The following PSMD14 variants were observed in gnomAD, a reference collection of about 807,000 sequenced individuals.
PSMD14 encodes the protein proteasome 26S subunit, non-ATPase 14.
In PSMD14, 7 loss-of-function variants were observed where a neutral mutation model predicts 41.2. The ratio of observed to expected loss-of-function variants is 0.17; its 90% CI spans 0.10 to 0.32. The LOEUF (loss-of-function observed/expected upper bound fraction) is 0.32. Among genes scored for constraint, PSMD14 ranks in the 10% least tolerant of loss-of-function variants. The probability of loss-of-function intolerance (pLI) is 1.00; values close to 1 mark genes in which losing one functional copy is unlikely to be tolerated. For synonymous variants in PSMD14, 114 were observed against 122.3 expected (o/e 0.93, Z 0.45); for missense variants, 139 against 375.6 (o/e 0.37, Z 5.21).
chr2:161,377,178 C>T (rs922119086), intron 7 of PSMD14, among the ~76,000 whole-genome samples: 1 of 151,888 alleles, frequency 6.6e-6, no homozygotes, highest in African/African-American at 2.4e-5. Context: ...TGATCAGTAT[C>T]CCACGACTAT....
At chr2:161,401,985 G>T (rs551201938) in intron 10 of PSMD14, among the ~76,000 whole-genome samples, 6 of 152,272 alleles carry the variant, frequency 3.9e-5, no homozygotes, top group Admixed American at 1.3e-4. Flanking sequence ...TGTGATATAT[G>T]TGAAGTATCT....
chr2:161,354,995 A>G (rs574918015), intron 3 of PSMD14, among the ~76,000 whole-genome samples: 41 of 152,370 alleles, frequency 2.7e-4, no homozygotes, highest in African/African-American at 9.1e-4. Flanking sequence ...GAAACTTTTC[A>G]GAGAGGCAGG....
chr2:161,337,926 T>C (rs1396662691), intron 3 of PSMD14, among the ~76,000 whole-genome samples: 1 of 152,202 alleles, frequency 6.6e-6, no homozygotes, highest in Non-Finnish European at 1.5e-5. Flanking sequence ...TACTTAATTG[T>C]TACAAGAATT....
chr2:161,385,522 C>A lies in PSMD14; in HGVS notation c.521C>A (p.Pro174Gln), dbSNP rs1287961420. 1 of 1,609,468 alleles carries A rather than the reference C, an allele frequency of 6.2e-7. No individual in the cohort carries two copies. Among genetic ancestry groups the A allele is most frequent in the Non-Finnish European group, 8.5e-7 (1 of 1,176,936 alleles). Reference sequence around the variant, plus strand: ...AATATGATGGTCTTAGGACATGAACCAAGACAAACAACTTCGAATCTGGGT... The same window carrying A: ...AATATGATGGTCTTAGGACATGAACAAAGACAAACAACTTCGAATCTGGGT... ...NANMMVLGHE[P>Q]RQTTSNLGHL... is the part of the protein sequence containing the mutation. Residue 174 changes from proline to glutamine, a missense_variant, in exon 8 of 12, where the codon CCA (proline) becomes CAA (glutamine). Transcript: ENST00000409682.
intron 3 of PSMD14, among the ~76,000 whole-genome samples, chr2:161,346,812 C>A (rs189724869): frequency 1.3e-4 from 19 of 151,832 alleles, no homozygotes; most frequent in Admixed American, 2.6e-4. Context: ...GGAACTCTTT[C>A]CAGTGCTGTG....
chr2:161,343,874 G>A (rs1261415152), intron 3 of PSMD14, among the ~76,000 whole-genome samples: 1 of 151,776 alleles, frequency 6.6e-6, no homozygotes, highest in African/African-American at 2.4e-5. Context: ...AGTTCTTTTG[G>A]GTATATAGGT....
chr2:161,379,299 C>T (rs1432314330), intron 7 of PSMD14, among the ~76,000 whole-genome samples: 5 of 151,842 alleles, frequency 3.3e-5, no homozygotes, highest in Non-Finnish European at 7.4e-5. Flanking sequence ...ATTAGTAGTG[C>T]CCTGAGGAGT....
chr2:161,322,077 A>G (rs1469512820), intron 3 of PSMD14, among the ~76,000 whole-genome samples: 2 of 152,142 alleles, frequency 1.3e-5, no homozygotes, highest in African/African-American at 4.8e-5. Flanking sequence ...CTCATCTGCA[A>G]GCTATCTAGG....
At chr2:161,313,883 A>G (rs1689119887) in intron 1 of PSMD14, among the ~76,000 whole-genome samples, 1 of 152,242 alleles carries the variant, frequency 6.6e-6, no homozygotes, top group African/African-American at 2.4e-5. Context: ...TGTGTATGTG[A>G]AAATATGCAT....
chr2:161,309,473 T>C (rs527287619), intron 1 of PSMD14, among the ~76,000 whole-genome samples: 1 of 152,220 alleles, frequency 6.6e-6, no homozygotes, highest in East Asian at 1.9e-4. Context: ...CAAGTGTTTT[T>C]TTAGTGCTTC....
chr2:161,360,690 C>G (rs948184326), intron 3 of PSMD14, among the ~76,000 whole-genome samples: 1 of 152,078 alleles, frequency 6.6e-6, no homozygotes, highest in African/African-American at 2.4e-5. Flanking sequence ...GTACATGCCA[C>G]CACACCTAGC....
intron 9 of PSMD14, among the ~76,000 whole-genome samples, chr2:161,393,597 AC>A (rs1052756367): frequency 2.6e-5 from 4 of 151,962 alleles, no homozygotes; most frequent in East Asian, 1.9e-4. Context: ...TCTAAACTAA[AC>A]CCCCATATAC....
intron 10 of PSMD14, chr2:161,407,822 A>T (rs1683971987): frequency 6.6e-6 from 1 of 151,826 alleles, no homozygotes; most frequent in Admixed American, 6.6e-5. Context: ...AAGGTTAGTG[A>T]TCCTTAAATT....
chr2:161,329,369 A>T (rs576494339), intron 3 of PSMD14, among the ~76,000 whole-genome samples: 1 of 152,136 alleles, frequency 6.6e-6, no homozygotes, highest in East Asian at 1.9e-4. Context: ...AATTTTTGCT[A>T]TAAGCACTGG....
intron 8 of PSMD14, among the ~76,000 whole-genome samples, chr2:161,386,760 T>C (rs1162546310): frequency 6.6e-6 from 1 of 151,906 alleles, no homozygotes; most frequent in Non-Finnish European, 1.5e-5. Context: ...TTGCAAAAGG[T>C]TAAGTAGCAT....
chr2:161,366,387 A>AACACAC (rs36202166), intron 3 of PSMD14, among the ~76,000 whole-genome samples: 7 of 148,396 alleles, frequency 4.7e-5, no homozygotes, highest in African/African-American at 1.5e-4. Context: ...AATAGAATTT[A>AACACAC]ACACACACAC....
At chr2:161,317,756 C>T (rs1689161496) in intron 2 of PSMD14, among the ~76,000 whole-genome samples, 1 of 152,020 alleles carries the variant, frequency 6.6e-6, no homozygotes, top group African/African-American at 2.4e-5. Context: ...AATTTGAACT[C>T]GTAAAACAAC....
At chr2:161,356,688 C>G (rs938673724) in intron 3 of PSMD14, among the ~76,000 whole-genome samples, 1 of 150,772 alleles carries the variant, frequency 6.6e-6, no homozygotes, top group Admixed American at 6.6e-5. Flanking sequence ...ATTTTTAAAA[C>G]ACAGGACTAA....
intron 3 of PSMD14, among the ~76,000 whole-genome samples, chr2:161,359,872 G>A (rs1259910481): frequency 6.6e-6 from 1 of 152,170 alleles, no homozygotes; most frequent in Non-Finnish European, 1.5e-5. Context: ...AGCTCTGATT[G>A]TGTTACATTT....
Sources: allele counts gnomAD v4.1 joint callset (sites outside exome capture counted in the v4.1 genomes callset), GRCh38; gene constraint gnomAD v4.1.1; transcripts MANE v1.5; gene names NCBI Gene and HGNC (gene_info 2026-07-23, HGNC 2026-07-21).